PIK3R5: variants seen among roughly 807,000 people sequenced by gnomAD.
The protein encoded by PIK3R5 is phosphoinositide 3-kinase regulatory subunit 5.
PIK3R5 carries 32 observed loss-of-function variants against 94.9 expected under a neutral mutation model. The observed-to-expected ratio is 0.34, with a 90% confidence interval of 0.25 to 0.45. PIK3R5 has a LOEUF of 0.45. PIK3R5 is among the 20% of genes least tolerant of loss of function. The pLI, the probability that PIK3R5 is intolerant of heterozygous loss-of-function variation, is 1.00. For synonymous variants in PIK3R5, 443 were observed against 479.4 expected, an observed-to-expected ratio of 0.92 and a Z score of 0.99; for missense variants, 853 against 1,144.6, an observed-to-expected ratio of 0.75 and a Z score of 3.68.
Position 8,911,419 on chromosome 17 carries a change from G to T in PIK3R5, c.76C>A (p.Leu26Ile). Residue 26 changes from leucine (L) to isoleucine (I), a missense_variant, in exon 2 of 19, where the codon CTC becomes ATC. Physicochemically the swap from Leu to Ile is conservative, Grantham distance 5. Coordinates refer to ENST00000447110, the MANE Select transcript of PIK3R5 (RefSeq NM_001142633.3). The surrounding 1 kb of genome is among the most constrained non-coding windows in gnomAD (Gnocchi z 5.3). Reference sequence around the variant, plus strand: ...GACCAGGAGGTGGAGCGGCGGCTGAGGCTGAGTCCATGCAGGCAGCGTTCC... The same window carrying T: ...GACCAGGAGGTGGAGCGGCGGCTGATGCTGAGTCCATGCAGGCAGCGTTCC... ...ALERCLHGLS[L>I]SRRSTSWSAG... The T allele has an allele frequency of 6.3e-7, 1 of 1,599,886 alleles. No homozygotes were observed.
chr17:8,913,209 G>A (rs968615464), intron 1 of PIK3R5, among the ~76,000 whole-genome samples: 3 of 152,222 alleles, frequency 2.0e-5, no homozygotes, highest in African/African-American at 7.2e-5. Flanking sequence ...CATTTAAGCT[G>A]GATGAGGAAG....
rs1022473445 is a variant in PIK3R5, at chr17:8,911,809, C to T, written c.-13-302G>A. 5 of 204,904 alleles carry T rather than the reference C, an allele frequency of 2.4e-5. No individual in the cohort carries two copies. Among genetic ancestry groups the T allele is most frequent in the Non-Finnish European group, 3.9e-5 (4 of 102,822 alleles). 12.7% of individuals were successfully genotyped at this position (204,904 alleles called of 1,614,324 possible). ...AAGGGCACTGGGCAGTGGGAAGTGT[C>T]GCCAAGTACCCAGGGAGTGGTCAGA... is the stretch of plus-strand genomic sequence containing the variant. On this transcript the variant is annotated intron_variant, in intron 1 of 18. Coordinates refer to ENST00000447110, the MANE Select transcript of PIK3R5 (RefSeq NM_001142633.3). The surrounding 1 kb of genome is among the most constrained non-coding windows in gnomAD (Gnocchi z 5.3).
In PIK3R5 at chr17:8,934,204, C is replaced by G. The variant is rs79201788; in HGVS notation, c.-13-22697G>C. On this transcript the variant is annotated intron_variant, in intron 1 of 18. Transcript: ENST00000447110. ...AAAATCCTAAGGAATCTATTAAAAA[C>G]TACCATTAGCGAATTTATCAAGGTT... is the stretch of plus-strand genomic sequence containing the variant. Among the ~76,000 whole-genome samples, 4 of 152,284 alleles carry G rather than the reference C, an allele frequency of 2.6e-5. No homozygotes were observed. In the East Asian group the frequency reaches 7.7e-4, roughly 29 times the overall value.
In PIK3R5 at chr17:8,896,281, A is replaced by G. The variant is rs955233113; in HGVS notation, c.413-2626T>C. On this transcript the variant is annotated intron_variant, in intron 5 of 18. Transcript: ENST00000447110. The surrounding 1 kb of genome is among the most constrained non-coding windows in gnomAD (Gnocchi z 4.0). ...GGTGTGCAATGTCAGTTTCGAGACC[A>G]CCCTTAACTCCACCCTCCACTCCCC... is the stretch of plus-strand genomic sequence containing the variant. Among the ~76,000 whole-genome samples the G allele has an allele frequency of 1.3e-5, 2 of 151,620 alleles. No individual in the cohort carries two copies. Among genetic ancestry groups the G allele is most frequent in the Admixed American group, 1.3e-4 (2 of 15,224 alleles).
chr17:8,959,432 T>C (rs1050844584), intron 1 of PIK3R5, among the ~76,000 whole-genome samples: 14 of 152,254 alleles, frequency 9.2e-5, no homozygotes, highest in African/African-American at 3.4e-4. Flanking sequence ...TGTGTGTGTG[T>C]GTGTGTGTGC....
At chr17:8,959,462 T>C (rs749715894) in intron 1 of PIK3R5, among the ~76,000 whole-genome samples, 7 of 152,182 alleles carry the variant, frequency 4.6e-5, no homozygotes, top group African/African-American at 1.7e-4. Context: ...CACATGTACA[T>C]GTGTGCTTAT....
rs199897595 is a variant in PIK3R5, at chr17:8,904,813, G to A, written c.376C>T (p.Leu126=). 5.0e-6 allele frequency: 8 copies of A among 1,614,182 alleles called. No homozygotes were observed. Among genetic ancestry groups the A allele is most frequent in the East Asian group, 2.2e-5 (1 of 44,890 alleles). The change falls in exon 5 of 19, where the codon CTG becomes TTG. Residue 126 remains leucine (L), a synonymous_variant. Coordinates refer to ENST00000447110, the MANE Select transcript of PIK3R5 (RefSeq NM_001142633.3). This position sits in a 1 kb window ranked among gnomAD's most constrained non-coding sequence, Gnocchi z 5.1. Reference sequence around the variant, plus strand: ...AGTTCAGCATCAATGAAGGTGAGCAGCTCCTGGCAGATGCTGCAGTAAGGA... The same window carrying A: ...AGTTCAGCATCAATGAAGGTGAGCAACTCCTGGCAGATGCTGCAGTAAGGA... ...PVPYCSICQE[L]LTFIDAELKA...
At position 8,890,771 on chromosome 17, in the gene PIK3R5, G is replaced by A. The variant is rs763245223; in HGVS notation, c.624C>T (p.His208=). 1 of 1,612,200 alleles carries A rather than the reference G, an allele frequency of 6.2e-7. No individual in the cohort carries two copies. The highest frequency in any genetic ancestry group is 1.7e-5 in the Admixed American group (1 of 59,696). ...LHAFQATFGA[H]CDVPGLHCRL... ...TGCAGTGCAGGCCCGGGACGTCACA[G>A]TGGGCCCCAAAGGTGGCCTGGAAGG... Residue 208 remains histidine, a synonymous_variant, in exon 7 of 19, where the codon CAC becomes CAT. Transcript: ENST00000447110. This position sits in a 1 kb window ranked among gnomAD's most constrained non-coding sequence, Gnocchi z 6.1.
At position 8,888,224 on chromosome 17, in the gene PIK3R5, G is replaced by A. The variant is rs768104316; in HGVS notation, c.1563C>T (p.Val521=). The A allele has an allele frequency of 1.9e-6, 3 of 1,613,498 alleles. No homozygotes were observed. Among genetic ancestry groups the A allele is most frequent in the East Asian group, 4.5e-5 (2 of 44,832 alleles). Residue 521 remains valine (V), a synonymous_variant, in exon 10 of 19, where the codon GTC becomes GTT. Transcript: ENST00000447110. The surrounding 1 kb of genome is among the most constrained non-coding windows in gnomAD (Gnocchi z 7.8). The part of the protein sequence containing the change: ...DPKASTLRVV[V]FGSDRISGKV... ...TCCCTGAAATCCGATCGGAGCCAAA[G>A]ACCACAACACGTAGCGTGGAAGCCT...
chr17:8,888,641 G>T lies in PIK3R5; in HGVS notation c.1146C>A (p.Gly382=), dbSNP rs143826606. ...AGCCGCTGTCCATGCCATCAGAGAG[G>T]CCTGAGACAAAGGAAGTCAGCAGAT... ...SRHLLTSFVS[G]LSDGMDSGYV... Residue 382 remains glycine, a synonymous_variant, in exon 10 of 19, where the codon GGC becomes GGA. Transcript: ENST00000447110. The surrounding 1 kb of genome is among the most constrained non-coding windows in gnomAD (Gnocchi z 7.8). 2,106 of 1,613,574 alleles carry T rather than the reference G, an allele frequency of 1.3e-3. 2 individuals carry two copies. Among genetic ancestry groups the T allele is most frequent in the Non-Finnish European group, 1.6e-3 (1,928 of 1,179,830 alleles).
At chr17:8,901,651 T>A (rs533263558) in intron 5 of PIK3R5, among the ~76,000 whole-genome samples, 1 of 152,338 alleles carries the variant, frequency 6.6e-6, no homozygotes, top group South Asian at 2.1e-4. Context: ...CAGGACCTGG[T>A]GCATGTATAC....
chr17:8,936,693 T>A (rs998439494), intron 1 of PIK3R5, among the ~76,000 whole-genome samples: 6 of 152,252 alleles, frequency 3.9e-5, no homozygotes, highest in South Asian at 2.1e-4. Flanking sequence ...AAGTTAGTAA[T>A]GTCAGTCTTC....
Position 8,888,107 on chromosome 17 carries a change from G to T in PIK3R5, c.1616+64C>A. On this transcript the variant is annotated intron_variant, in intron 10 of 18. Coordinates refer to ENST00000447110, the MANE Select transcript of PIK3R5 (RefSeq NM_001142633.3). This position sits in a 1 kb window ranked among gnomAD's most constrained non-coding sequence, Gnocchi z 7.8. Reference sequence around the variant, plus strand: ...CTGGGGCCCTAAGCCTCAGGCCCCAGATTCCACCAGCACAACAACCCTGTT... The same window carrying T: ...CTGGGGCCCTAAGCCTCAGGCCCCATATTCCACCAGCACAACAACCCTGTT... 4 of 1,532,800 alleles carry T rather than the reference G, an allele frequency of 2.6e-6. No individual in the cohort carries two copies. The highest frequency in any genetic ancestry group is 3.6e-6 in the Non-Finnish European group (4 of 1,111,450). The allele number at this position is 1,532,800 out of a possible 1,614,324, so 94.9% of individuals were successfully genotyped here.
In PIK3R5 at chr17:8,946,774, G is replaced by A. The variant is rs555183643; in HGVS notation, c.-14+18822C>T. ...CTGCCTCAGGACCTTCGCGCCTGCCGTTCTCTCTGCCTGAGTGCTCTTCTT... is the reference window on the plus strand; with the variant it reads ...CTGCCTCAGGACCTTCGCGCCTGCCATTCTCTCTGCCTGAGTGCTCTTCTT... On this transcript the variant is annotated intron_variant, in intron 1 of 18. Coordinates refer to ENST00000447110, the MANE Select transcript of PIK3R5 (RefSeq NM_001142633.3). 3.3e-5 allele frequency among the ~76,000 whole-genome samples: 5 copies of A among 151,960 alleles called. 2 individuals are homozygous for A. The South Asian group carries it at 8.3e-4, about 25-fold the overall frequency.
At chr17:8,917,200 A>G (rs2090647673) in intron 1 of PIK3R5, among the ~76,000 whole-genome samples, 1 of 152,220 alleles carries the variant, frequency 6.6e-6, no homozygotes, top group Non-Finnish European at 1.5e-5. Flanking sequence ...AAGGGTGGAT[A>G]GGATCAAGGA....
intron 1 of PIK3R5, among the ~76,000 whole-genome samples, chr17:8,929,729 T>C (rs2090954204): frequency 6.6e-6 from 1 of 152,156 alleles, no homozygotes. Context: ...GAATACCACA[T>C]GTTCTCACTT....
rs1169964563 is a variant in PIK3R5 at position 8,879,938 on chromosome 17, A to C, written c.*701T>G. ...TTAGCTAGAACTGAGCTGCTACTAA[A>C]TTTAACCCTATCCTGTCTTCTAAGA... On this transcript the variant is annotated 3_prime_UTR_variant, in exon 19 of 19. Coordinates refer to ENST00000447110, the MANE Select transcript of PIK3R5 (RefSeq NM_001142633.3). The surrounding 1 kb of genome is among the most constrained non-coding windows in gnomAD (Gnocchi z 4.4). 6.6e-6 allele frequency: 1 copy of C among 152,224 alleles called. No individual in the cohort carries two copies. Among genetic ancestry groups the C allele is most frequent in the African/African-American group, 2.4e-5 (1 of 41,458 alleles). The allele number at this position is 152,224 out of a possible 1,614,324, so 9.4% of individuals were successfully genotyped here.
At chr17:8,960,733 A>C (rs2091549118) in intron 1 of PIK3R5, among the ~76,000 whole-genome samples, 1 of 152,214 alleles carries the variant, frequency 6.6e-6, no homozygotes, top group African/African-American at 2.4e-5. Flanking sequence ...CTCACACCCC[A>C]GCCCTGCACT....
At chr17:8,897,638 C>T (rs1381020086) in intron 5 of PIK3R5, among the ~76,000 whole-genome samples, 3 of 152,186 alleles carry the variant, frequency 2.0e-5, no homozygotes, top group African/African-American at 4.8e-5. Flanking sequence ...ATCCATTCCT[C>T]GTTTTTTTAT....
Sources: gnomAD v4.1 joint callset for allele counts (sites outside exome capture counted in the v4.1 genomes callset) on GRCh38, gnomAD v4.1.1 for gene constraint, Gnocchi (gnomAD v3.1) non-coding constraint, MANE v1.5 for transcripts, NCBI Gene and HGNC (gene_info 2026-07-23, HGNC 2026-07-21) for gene names.